The following ANKRD10 variants were observed in gnomAD, a reference collection of about 807,000 sequenced individuals.
ANKRD10 encodes ankyrin repeat domain 10.
ANKRD10 carries 14 observed loss-of-function variants against 27.0 expected under a neutral mutation model. That is an observed-to-expected ratio of 0.52 (90% CI 0.34 to 0.81). ANKRD10 has a LOEUF of 0.81. Among genes scored for constraint, ANKRD10 ranks in the 40% least tolerant of loss-of-function variants. ANKRD10 has a pLI of 0.01. For missense variants in ANKRD10, 493 were observed against 544.0 expected (o/e 0.91, Z 0.93); for synonymous variants, 250 against 224.5 (o/e 1.11, Z -1.01).
At chr13:110,891,388 G>C (rs2065068571) in intron 4 of ANKRD10, among the ~76,000 whole-genome samples, 1 of 152,166 alleles carries the variant, frequency 6.6e-6, no homozygotes, top group African/African-American at 2.4e-5. Context: ...AGACCATTTT[G>C]AATTTTATGC....
At chr13:110,904,372 A>G (rs2138872533) in intron 3 of ANKRD10, 1 of 152,146 alleles carries the variant, frequency 6.6e-6, no homozygotes, top group South Asian at 2.1e-4. Flanking sequence ...TGTAAATAAA[A>G]GATTCTCATT....
intron 3 of ANKRD10, among the ~76,000 whole-genome samples, chr13:110,903,871 C>G (rs563293718): frequency 2.0e-5 from 3 of 151,890 alleles, no homozygotes; most frequent in Admixed American, 6.6e-5. Context: ...GCTCCTTGAA[C>G]GTCTTAAAAA....
Position 110,894,222 on chromosome 13 carries a change from C to G in ANKRD10, c.456-959G>C. ...ATAAACCTGTAAAAAAGCAGACATC[C>G]TGTTAGCTGCAGGTTGATAAACAAA... On this transcript the variant is annotated intron_variant, in intron 3 of 5. Transcript: ENST00000267339. 1.9e-6 allele frequency: 3 copies of G among 1,551,494 alleles called. No individual in the cohort carries two copies. The South Asian group carries it at 3.3e-5, about 17-fold the overall frequency.
intron 3 of ANKRD10, among the ~76,000 whole-genome samples, chr13:110,900,234 CTT>C (rs1407961994): frequency 6.6e-6 from 1 of 152,280 alleles, no homozygotes; most frequent in East Asian, 1.9e-4. Flanking sequence ...ATGAGAACGA[CTT>C]TGTTTCAATT....
At chr13:110,913,022 A>T (rs1001699090) in intron 1 of ANKRD10, among the ~76,000 whole-genome samples, 38 of 152,262 alleles carry the variant, frequency 2.5e-4, no homozygotes, top group African/African-American at 8.4e-4. Flanking sequence ...TAGACTTTTG[A>T]AAAGTGATTT....
chr13:110,887,403 C>G (rs1179300223), intron 4 of ANKRD10, among the ~76,000 whole-genome samples: 1 of 152,114 alleles, frequency 6.6e-6, no homozygotes, highest in Admixed American at 6.6e-5. Flanking sequence ...GAGTGCTGAC[C>G]AGGTGGAGTG....
rs1166091113 is a variant in ANKRD10, at chr13:110,914,947, G to C, written c.-13C>G. The C allele has an allele frequency of 6.5e-7, 1 of 1,528,846 alleles. No homozygotes were observed. Among genetic ancestry groups the C allele is most frequent in the Non-Finnish European group, 8.7e-7 (1 of 1,143,324 alleles). The allele number at this position is 1,528,846 out of a possible 1,614,324, so 94.7% of individuals were successfully genotyped here. A position where few individuals can be genotyped will look rare whatever the true frequency, so the allele number is the denominator to read the frequency against. The stretch of plus-strand genomic sequence containing the variant: ...CCGCCGCCGACATGGTCCGTCACCG[G>C]AGAGCGCGGGGCTCGCTGGCCTAGA... On this transcript the variant is annotated 5_prime_UTR_variant, in exon 1 of 6. Transcript: ENST00000267339.
chr13:110,914,867 CGGAGCGAGA>C lies in ANKRD10; in HGVS notation c.59_67del (p.Leu20_Leu22del), dbSNP rs1362263728. The C allele has an allele frequency of 6.4e-7, 1 of 1,553,632 alleles. No homozygotes were observed. Among genetic ancestry groups the C allele is most frequent in the Non-Finnish European group, 8.7e-7 (1 of 1,151,670 alleles). ...GCGGCAGGCGCGGTGCAGCGGGAAA[CGGAGCGAGA>C]GCAGCTCCTCGCTGGAGAAGCCCGC... is the stretch of plus-strand genomic sequence containing the variant. On this transcript the variant is annotated inframe_deletion, in exon 1 of 6. Coordinates refer to ENST00000267339, the MANE Select transcript of ANKRD10 (RefSeq NM_017664.4).
At chr13:110,883,445 C>T in intron 5 of ANKRD10, 2 of 1,138,660 alleles carry the variant, frequency 1.8e-6, no homozygotes, top group Non-Finnish European at 1.1e-6. Flanking sequence ...CTTGTATCTA[C>T]AAACTTGCCC....
chr13:110,893,380 A>G, intron 3 of ANKRD10, 117 bp from the exon 4 acceptor site: 1 of 897,408 alleles, frequency 1.1e-6, no homozygotes, highest in African/African-American at 1.7e-5. Context: ...ATTCATAGCA[A>G]ATCTTCATTA....
chr13:110,879,926 G>C lies in ANKRD10; in HGVS notation c.974C>G (p.Ser325Cys). 2 of 1,614,208 alleles carry C rather than the reference G, an allele frequency of 1.2e-6. No individual in the cohort carries two copies. The highest frequency in any genetic ancestry group is 1.7e-6 in the Non-Finnish European group (2 of 1,180,048). The stretch of plus-strand genomic sequence containing the variant: ...CTCCTCAGTCCCACTAATGCAGAGA[G>C]AACCCTGGCTACTCGGAAACGGCTG... ...PGQPFPSSQGSLCISGTEEPE... is the reference protein window; with the variant it reads ...PGQPFPSSQGCLCISGTEEPE... Residue 325 changes from serine to cysteine, a missense_variant, in exon 6 of 6, where the codon TCT (serine) becomes TGT (cysteine). Ser to Cys is a moderately radical substitution (Grantham distance 112, BLOSUM62 -1). Transcript: ENST00000267339.
chr13:110,909,355 C>A (rs2065628153), intron 2 of ANKRD10, among the ~76,000 whole-genome samples: 1 of 152,092 alleles, frequency 6.6e-6, no homozygotes, highest in African/African-American at 2.4e-5. Flanking sequence ...TACCAGGGGA[C>A]AGGGGTAGGG....
rs765270625 is a variant in ANKRD10 at position 110,879,591 on chromosome 13, G to A, written c.*46C>T. The A allele has an allele frequency of 6.8e-7, 1 of 1,466,704 alleles. No homozygotes were observed. Among genetic ancestry groups the A allele is most frequent in the South Asian group, 1.2e-5 (1 of 85,184 alleles). 90.9% of individuals were successfully genotyped at this position (1,466,704 alleles called of 1,614,324 possible). ...GCTGCTACATGGGTATTCTGAGCTG[G>A]CTACCAGGAAGGACTCCTGCGTTTC... On this transcript the variant is annotated 3_prime_UTR_variant, in exon 6 of 6. Coordinates refer to ENST00000267339, the MANE Select transcript of ANKRD10 (RefSeq NM_017664.4).
intron 2 of ANKRD10, 76 bp downstream of exon 2, chr13:110,910,542 A>G: frequency 6.5e-7 from 1 of 1,542,526 alleles, no homozygotes; most frequent in Non-Finnish European, 8.8e-7. Flanking sequence ...GCCTCGATTT[A>G]AAGCAATACC....
At chr13:110,893,716 A>C (rs2065144875) in intron 3 of ANKRD10, among the ~76,000 whole-genome samples, 1 of 152,256 alleles carries the variant, frequency 6.6e-6, no homozygotes, top group Admixed American at 6.5e-5. Context: ...CTCACCAACG[A>C]GCCAGCCTTC....
At chr13:110,884,304 G>C (rs1442091735) in intron 4 of ANKRD10, among the ~76,000 whole-genome samples, 2 of 152,122 alleles carry the variant, frequency 1.3e-5, no homozygotes, top group Admixed American at 6.5e-5. Context: ...CCAAAATACA[G>C]TAAAATAATT....
At chr13:110,914,561 C>T in intron 1 of ANKRD10, 164 bp downstream of exon 1, 1 of 1,010,266 alleles carries the variant, frequency 9.9e-7, no homozygotes, top group Non-Finnish European at 1.3e-6. Context: ...GGGCCGCGAG[C>T]GCTGCCGCAC....
chr13:110,885,209 C>T (rs2064894883), intron 4 of ANKRD10, among the ~76,000 whole-genome samples: 1 of 151,400 alleles, frequency 6.6e-6, no homozygotes, highest in Non-Finnish European at 1.5e-5. Context: ...CAGGCATGCA[C>T]TTTTAAGAGA....
At chr13:110,903,025 A>G (rs9515309) in intron 3 of ANKRD10, among the ~76,000 whole-genome samples, 45,508 of 151,848 alleles carry the variant, frequency 0.3, 7,467 homozygotes, top group Non-Finnish European at 0.38. Flanking sequence ...GCAGACAGCA[A>G]GTTTTCAAGT....
Sources: allele counts gnomAD v4.1 joint callset (sites outside exome capture counted in the v4.1 genomes callset), GRCh38; gene constraint gnomAD v4.1.1; transcripts MANE v1.5; gene names NCBI Gene and HGNC (gene_info 2026-07-23, HGNC 2026-07-21).